Variants in IFT74 observed in about 807,000 individuals in gnomAD.
IFT74 encodes the protein intraflagellar transport 74.
In IFT74, 92 loss-of-function variants were observed where a neutral mutation model predicts 96.7. The observed-to-expected ratio is 0.95, with a 90% CI of 0.80 to 1.13. The LOEUF is 1.13. Ranked by LOEUF, IFT74 falls within the 50% of genes most tolerant of loss-of-function variation. The pLI is 0.00. For synonymous variants in IFT74, 223 were observed against 213.2 expected, an observed-to-expected ratio of 1.05 and a Z score of -0.40; for missense variants, 811 against 698.2, an observed-to-expected ratio of 1.16 and a Z score of -1.82.
intron 1 of IFT74, among the ~76,000 whole-genome samples, chr9:26,951,265 G>A (rs1014076878): frequency 1.3e-5 from 2 of 152,166 alleles, no homozygotes; most frequent in Non-Finnish European, 2.9e-5. Context: ...AATGAAGTTG[G>A]GGTCAATATG....
chr9:26,953,519 A>G (rs1335737712), upstream of IFT74, among the ~76,000 whole-genome samples: 1 of 152,222 alleles, frequency 6.6e-6, no homozygotes, highest in Non-Finnish European at 1.5e-5. Context: ...TTCTATAGCC[A>G]TCTTCTTTCA....
At chr9:27,011,354 C>T (rs1300762742) in intron 9 of IFT74, among the ~76,000 whole-genome samples, 2 of 148,594 alleles carry the variant, frequency 1.3e-5, no homozygotes, top group Non-Finnish European at 3.0e-5. Flanking sequence ...AGGATCTTAT[C>T]TTAGGAGTGA....
At chr9:27,053,386 G>A (rs1820019289) in intron 16 of IFT74, among the ~76,000 whole-genome samples, 1 of 152,032 alleles carries the variant, frequency 6.6e-6, no homozygotes, top group Non-Finnish European at 1.5e-5. Context: ...GAGAAACACT[G>A]GTGTACTGCA....
At chr9:26,948,668 G>C (rs2131448828) in intron 1 of IFT74, among the ~76,000 whole-genome samples, 1 of 151,820 alleles carries the variant, frequency 6.6e-6, no homozygotes, top group East Asian at 1.9e-4. Flanking sequence ...GTTTCACCAT[G>C]TTGGCCAGGA....
chr9:27,032,911 AT>A (rs1203160690), intron 13 of IFT74, among the ~76,000 whole-genome samples: 4 of 152,076 alleles, frequency 2.6e-5, no homozygotes, highest in African/African-American at 4.8e-5. Context: ...ACTTAAAATT[AT>A]TTTAAAGATT....
chr9:27,046,680 T>C (rs1469843649), intron 14 of IFT74, among the ~76,000 whole-genome samples: 3 of 152,206 alleles, frequency 2.0e-5, no homozygotes, highest in Non-Finnish European at 4.4e-5. Flanking sequence ...TAATTATTGA[T>C]GTATCAAAGG....
intron 5 of IFT74, 43 bp downstream of exon 5, chr9:26,984,398 A>G (rs753860708): frequency 3.8e-6 from 6 of 1,580,034 alleles, no homozygotes; most frequent in Non-Finnish European, 5.2e-6. Context: ...TTTTGTGCTT[A>G]TAATACTAAC....
intron 19 of IFT74, among the ~76,000 whole-genome samples, chr9:27,061,676 AGT>A (rs1491254411): frequency 9.6e-5 from 11 of 114,420 alleles, no homozygotes; most frequent in Non-Finnish European, 1.9e-4. Context: ...TATATCCACA[AGT>A]ATATATATAT....
intron 1 of IFT74, among the ~76,000 whole-genome samples, chr9:26,948,448 A>ATTATTATTATTATTATTTTT (rs1825819541): frequency 8.5e-5 from 5 of 59,162 alleles, no homozygotes; most frequent in South Asian, 6.1e-4. Flanking sequence ...GCTTTCCATT[A>ATTATTATTATTATTATTTTT]TTTTTTTTTT....
At chr9:26,990,021 G>T in intron 7 of IFT74, 113 bp from the exon 8 acceptor site, 1 of 482,286 alleles carries the variant, frequency 2.1e-6, no homozygotes, top group Non-Finnish European at 3.7e-6. Context: ...TTTGTATGTG[G>T]CACTAGGATA....
intron 1 of IFT74, among the ~76,000 whole-genome samples, chr9:26,948,699 C>G (rs776033594): frequency 6.6e-6 from 1 of 151,970 alleles, no homozygotes; most frequent in Non-Finnish European, 1.5e-5. Flanking sequence ...CTCTTGACCT[C>G]ATAATCTGCC....
At chr9:27,035,823 A>G (rs1284727002) in intron 13 of IFT74, among the ~76,000 whole-genome samples, 1 of 152,234 alleles carries the variant, frequency 6.6e-6, no homozygotes, top group Non-Finnish European at 1.5e-5. Context: ...GTCTTTAGAA[A>G]TAGAATTATC....
intron 12 of IFT74, among the ~76,000 whole-genome samples, chr9:27,026,055 G>A (rs1829848728): frequency 6.6e-6 from 1 of 152,120 alleles, no homozygotes; most frequent in African/African-American, 2.4e-5. Context: ...GAATGGATAA[G>A]AATTCACCAA....
chr9:27,009,179 G>A (rs1342749785), intron 9 of IFT74, 21 bp downstream of exon 9: 1 of 1,600,140 alleles, frequency 6.2e-7, no homozygotes, highest in Admixed American at 1.7e-5. Context: ...TTACTGCTGT[G>A]TGCCAAGCAT....
At chr9:27,020,479 T>G (rs1032326970) in intron 12 of IFT74, among the ~76,000 whole-genome samples, 1 of 149,862 alleles carries the variant, frequency 6.7e-6, no homozygotes, top group Non-Finnish European at 1.5e-5. Context: ...TTTTTTTTTT[T>G]TTTCTTTTTT....
intron 8 of IFT74, chr9:27,005,673 G>C (rs1828739387): frequency 6.6e-6 from 1 of 151,178 alleles, no homozygotes; most frequent in African/African-American, 2.4e-5. Flanking sequence ...TACATCGTAT[G>C]ATTACATTTC....
chr9:27,030,506 C>CCA (rs1449824521), intron 13 of IFT74, among the ~76,000 whole-genome samples: 1 of 147,760 alleles, frequency 6.8e-6, no homozygotes, highest in Admixed American at 6.8e-5. Flanking sequence ...CAAGATCACA[C>CCA]CACTGCACTC....
chr9:26,977,726 T>C (rs760351215), intron 2 of IFT74, among the ~76,000 whole-genome samples: 16 of 152,146 alleles, frequency 1.1e-4, no homozygotes, highest in Non-Finnish European at 2.2e-4. Flanking sequence ...TGACCTCACA[T>C]GATCCACCTG....
intron 8 of IFT74, among the ~76,000 whole-genome samples, chr9:26,992,315 C>T (rs1397881709): frequency 6.6e-6 from 1 of 151,910 alleles, no homozygotes; most frequent in East Asian, 1.9e-4. Flanking sequence ...TACATCCAAA[C>T]CATTTAAAAA....
Sources: gnomAD v4.1 joint callset for allele counts (sites outside exome capture counted in the v4.1 genomes callset) on GRCh38, gnomAD v4.1.1 for gene constraint, MANE v1.5 for transcripts, NCBI Gene and HGNC (gene_info 2026-07-23, HGNC 2026-07-21) for gene names.